Variants in TSGA10 observed in about 807,000 individuals in gnomAD.
TSGA10 encodes testis-specific gene 10 protein.
A neutral mutation model predicts 96.6 loss-of-function variants in TSGA10; 43 were observed. The ratio of observed to expected loss-of-function variants is 0.44; its 90% CI spans 0.35 to 0.57. The LOEUF is 0.57. Among genes scored for constraint, TSGA10 ranks in the 20% least tolerant of loss-of-function variants. The pLI is 0.01. For synonymous variants in TSGA10, 229 were observed against 269.9 expected (o/e 0.85, Z 1.48); for missense variants, 703 against 834.4 (o/e 0.84, Z 1.94).
intron 16 of TSGA10, among the ~76,000 whole-genome samples, chr2:99,062,163 G>C (rs1288303582): frequency 6.6e-6 from 1 of 152,076 alleles, no homozygotes; most frequent in African/African-American, 2.4e-5. Flanking sequence ...TATAAGACTT[G>C]ACTGACACTA....
chr2:99,118,490 C>T (rs993167761), intron 3 of TSGA10, 61 bp downstream of exon 3: 6 of 510,702 alleles, frequency 1.2e-5, no homozygotes, highest in East Asian at 1.5e-4. Context: ...TATATATATA[C>T]GTATATATAT....
intron 1 of TSGA10, chr2:99,150,697 A>G: frequency 5.0e-6 from 8 of 1,614,132 alleles, no homozygotes; most frequent in Non-Finnish European, 6.8e-6. Flanking sequence ...CACCAAGAAA[A>G]TAAGATTAGA....
chr2:99,145,563 G>GA (rs58490482), intron 1 of TSGA10, among the ~76,000 whole-genome samples: 81,747 of 145,118 alleles, frequency 0.56, 23,069 homozygotes, highest in Middle Eastern at 0.72. Context: ...GTCCCAAAAA[G>GA]AAAAAAAAAA....
intron 13 of TSGA10, among the ~76,000 whole-genome samples, chr2:99,072,687 C>T (rs1238317637): frequency 1.3e-5 from 2 of 152,152 alleles, no homozygotes; most frequent in Non-Finnish European, 1.5e-5. Context: ...TTACACAAGC[C>T]TCTGCCTGCC....
intron 12 of TSGA10, among the ~76,000 whole-genome samples, chr2:99,074,344 A>G (rs551718283): frequency 1.2e-4 from 12 of 97,716 alleles, no homozygotes; most frequent in African/African-American, 5.9e-4. Context: ...AGTTTTACAC[A>G]TATTTGCGTG....
chr2:99,110,335 C>G (rs987930797), intron 5 of TSGA10, among the ~76,000 whole-genome samples: 20 of 152,154 alleles, frequency 1.3e-4, no homozygotes, highest in African/African-American at 4.8e-4. Context: ...TCTTTGACAA[C>G]ATTTATTTAA....
chr2:99,146,869 C>G (rs976011233), intron 1 of TSGA10, among the ~76,000 whole-genome samples: 2 of 152,122 alleles, frequency 1.3e-5, no homozygotes, highest in African/African-American at 4.8e-5. Context: ...CCTCGTGATC[C>G]GCCCACCTCA....
intron 10 of TSGA10, among the ~76,000 whole-genome samples, chr2:99,086,064 G>A (rs771104428): frequency 3.3e-5 from 5 of 152,122 alleles, no homozygotes; most frequent in Non-Finnish European, 5.9e-5. Context: ...AACAATTGGT[G>A]CTAAAACAAC....
chr2:99,152,285 C>T (rs1402506118), intron 1 of TSGA10, among the ~76,000 whole-genome samples: 1 of 152,082 alleles, frequency 6.6e-6, no homozygotes, highest in African/African-American at 2.4e-5. Flanking sequence ...ACAAGACATA[C>T]CACATAAAAC....
chr2:99,102,382 G>A, intron 10 of TSGA10: 1 of 1,613,648 alleles, frequency 6.2e-7, no homozygotes. Context: ...CAGTTTACTG[G>A]AGTTGGAATT....
At chr2:99,044,543 A>G (rs1416450127) in intron 16 of TSGA10, among the ~76,000 whole-genome samples, 2 of 152,178 alleles carry the variant, frequency 1.3e-5, no homozygotes, top group Admixed American at 1.3e-4. Context: ...ACAAGTTCTT[A>G]AAGACCTATG....
Position 99,081,386 on chromosome 2 carries a change from T to A in TSGA10, c.623A>T (p.Glu208Val), listed in dbSNP as rs2087475151. 1 of 1,567,324 alleles carries A rather than the reference T, an allele frequency of 6.4e-7. No individual in the cohort carries two copies. Among genetic ancestry groups the A allele is most frequent in the African/African-American group, 1.4e-5 (1 of 73,376 alleles). The change falls in exon 11 of 21, where the codon GAA (glutamate) becomes GTA (valine). Residue 208 changes from glutamate to valine, a missense_variant. Coordinates refer to ENST00000393483, the MANE Select transcript of TSGA10 (RefSeq NM_025244.4). ...ATCAGAAAGATCTTTTTCTGTGTTT[T>A]CATACAAAAGTCTGCAAATATTTTA... ...AENNSLRLLY[E>V]NTEKDLSDTQ...
intron 12 of TSGA10, among the ~76,000 whole-genome samples, chr2:99,075,885 T>C (rs939702842): frequency 6.6e-6 from 1 of 152,172 alleles, no homozygotes; most frequent in Non-Finnish European, 1.5e-5. Flanking sequence ...AAGGAAATCA[T>C]GCTTAAATAT....
chr2:99,055,129 G>T (rs1300272187), intron 16 of TSGA10, among the ~76,000 whole-genome samples: 1 of 152,144 alleles, frequency 6.6e-6, no homozygotes, highest in Non-Finnish European at 1.5e-5. Flanking sequence ...TGGCTGAATG[G>T]ATAGCAAACT....
chr2:98,998,164 C>A lies in TSGA10; in HGVS notation c.*33G>T. ...AAAAAAATCAGTTTGTAACTTTGAC[C>A]TTTCTCAGGGATGTGAAGAATCATT... On this transcript the variant is annotated 3_prime_UTR_variant, in exon 21 of 21. Coordinates refer to ENST00000393483, the MANE Select transcript of TSGA10 (RefSeq NM_025244.4). 6.3e-7 allele frequency: 1 copy of A among 1,581,910 alleles called. No individual in the cohort carries two copies. Among genetic ancestry groups the A allele is most frequent in the Non-Finnish European group, 8.6e-7 (1 of 1,168,352 alleles).
At chr2:99,097,360 T>A (rs892710193) in intron 10 of TSGA10, among the ~76,000 whole-genome samples, 2 of 152,084 alleles carry the variant, frequency 1.3e-5, no homozygotes, top group Non-Finnish European at 2.9e-5. Context: ...ATGAAAAGAA[T>A]AAATGTACAG....
intron 1 of TSGA10, among the ~76,000 whole-genome samples, chr2:99,132,891 C>A (rs990010014): frequency 4.0e-5 from 6 of 151,158 alleles, no homozygotes; most frequent in African/African-American, 1.5e-4. Flanking sequence ...AGTTTCTATA[C>A]AGTTGCGTGA....
chr2:99,055,790 C>T (rs1158919050), intron 16 of TSGA10, among the ~76,000 whole-genome samples: 1 of 146,816 alleles, frequency 6.8e-6, no homozygotes, highest in Non-Finnish European at 1.5e-5. Flanking sequence ...GAGGTCAAGG[C>T]TGCAGTGAGC....
At chr2:99,121,762 G>A (rs1457691372) in intron 2 of TSGA10, among the ~76,000 whole-genome samples, 7 of 151,928 alleles carry the variant, frequency 4.6e-5, no homozygotes, top group Admixed American at 2.6e-4. Flanking sequence ...CACCACACCC[G>A]GCCAAAAACT....
Sources: gnomAD v4.1 joint callset for allele counts (sites outside exome capture counted in the v4.1 genomes callset) on GRCh38, gnomAD v4.1.1 for gene constraint, MANE v1.5 for transcripts, NCBI Gene and HGNC (gene_info 2026-07-23, HGNC 2026-07-21) for gene names.